ASH1L: variants seen among roughly 807,000 people sequenced by gnomAD.
The protein encoded by ASH1L is ASH1 like histone lysine methyltransferase.
A neutral mutation model predicts 269.0 loss-of-function variants in ASH1L; 23 were observed. The observed-to-expected ratio is 0.09, with a 90% confidence interval of 0.06 to 0.12. ASH1L has a LOEUF of 0.12. Ranked by LOEUF, ASH1L falls within the 10% of genes least tolerant of loss-of-function variation. The pLI is 1.00. For synonymous variants in ASH1L, 1,187 were observed against 1,253.5 expected (o/e 0.95, Z 1.12); for missense variants, 2,912 against 3,567.8 (o/e 0.82, Z 4.68).
intron 3 of ASH1L, among the ~76,000 whole-genome samples, chr1:155,465,289 CAAAAAAAAAAAAA>C (rs1171228344): frequency 6.4e-5 from 4 of 62,576 alleles, no homozygotes; most frequent in Non-Finnish European, 1.3e-4. Context: ...TACAAATTAG[CAAAAAAAAAAAAA>C]AAAAAAAAAA....
chr1:155,380,964 T>C (rs1183948748), intron 7 of ASH1L, among the ~76,000 whole-genome samples: 1 of 151,992 alleles, frequency 6.6e-6, no homozygotes. Flanking sequence ...CTTATACATA[T>C]AGTCATGTGC....
chr1:155,503,147 T>C (rs1667621378), intron 2 of ASH1L, among the ~76,000 whole-genome samples: 1 of 152,186 alleles, frequency 6.6e-6, no homozygotes, highest in Non-Finnish European at 1.5e-5. Flanking sequence ...AATGAAAAAG[T>C]GAGGCTGAGA....
chr1:155,349,709 CTT>C (rs993462774), intron 17 of ASH1L, 113 bp from the exon 18 acceptor site: 20,867 of 276,870 alleles, frequency 0.075, no homozygotes, highest in South Asian at 0.11. Flanking sequence ...AAATCCAAGT[CTT>C]TTTTTTTTTT....
At position 155,370,633 on chromosome 1, in the gene ASH1L, T is replaced by C. The variant is rs1364710940; in HGVS notation, c.6557A>G (p.Gln2186Arg). 1.2e-6 allele frequency: 2 copies of C among 1,614,080 alleles called. No individual in the cohort carries two copies. The highest frequency in any genetic ancestry group is 2.7e-5 in the African/African-American group (2 of 74,936). The change falls in exon 12 of 28, where the codon CAG becomes CGG. Residue 2186 changes from glutamine (Q) to arginine (R), a missense_variant. Coordinates refer to ENST00000392403, the MANE Select transcript of ASH1L (RefSeq NM_018489.3). ...GTAGTGGTCACTGTGATTATGATAC[T>C]GCTCAATCATCCTGTTCCTAAAGAG... ...EQEFRNRMIE[Q>R]YHNHSDHYCL...
At position 155,365,671 on chromosome 1, in the gene ASH1L, A is replaced by G. The variant is rs572947191; in HGVS notation, c.6686+4833T>C. ...TTTACCAAGGCTTTGATTGGAATGG[A>G]GTGCTTTCTATTAAGGAACCAAACT... On this transcript the variant is annotated intron_variant, in intron 12 of 27. Transcript: ENST00000392403. Among the ~76,000 whole-genome samples the G allele has an allele frequency of 2.5e-3, 377 of 152,284 alleles. 1 individual carries two copies. The highest frequency in any genetic ancestry group is 8.7e-3 in the African/African-American group (361 of 41,556).
At chr1:155,435,141 C>T (rs758034642) in intron 5 of ASH1L, among the ~76,000 whole-genome samples, 1 of 151,952 alleles carries the variant, frequency 6.6e-6, no homozygotes, top group African/African-American at 2.4e-5. Context: ...CTGGGTGACT[C>T]GGTCTCAAAA....
At chr1:155,441,842 C>T (rs370571878) in intron 4 of ASH1L, among the ~76,000 whole-genome samples, 8 of 150,082 alleles carry the variant, frequency 5.3e-5, no homozygotes, top group South Asian at 2.1e-4. Context: ...CTCAGCTCAC[C>T]GCAACCGCCA....
intron 20 of ASH1L, 54 bp downstream of exon 20, chr1:155,347,602 T>A: frequency 6.2e-7 from 1 of 1,602,616 alleles, no homozygotes; most frequent in South Asian, 1.1e-5. Flanking sequence ...CTTCTTTGAA[T>A]ATGGTCACCG....
Position 155,442,526 on chromosome 1 carries a change from T to C in ASH1L, c.5087-3458A>G, listed in dbSNP as rs1571227146. Among the ~76,000 whole-genome samples, 5 of 137,848 alleles carry C rather than the reference T, an allele frequency of 3.6e-5. No homozygotes were observed. The Admixed American group carries it at 4.4e-4, about 12-fold the overall frequency. The allele number at this position is 137,848 out of a possible 152,430, so 90.4% of individuals were successfully genotyped here. ...TGAACCTGGGAGGCAGAGGTTGCAG[T>C]GAGCCGAGATCACGCCACTGCCCTC... On this transcript the variant is annotated intron_variant, in intron 4 of 27. Coordinates refer to ENST00000392403, the MANE Select transcript of ASH1L (RefSeq NM_018489.3).
At chr1:155,485,749 C>A (rs938932832) in intron 2 of ASH1L, among the ~76,000 whole-genome samples, 7 of 152,134 alleles carry the variant, frequency 4.6e-5, no homozygotes, top group African/African-American at 1.7e-4. Flanking sequence ...ATCGACAACC[C>A]ATTAGCAATG....
intron 6 of ASH1L, among the ~76,000 whole-genome samples, chr1:155,408,031 G>A (rs748069798): frequency 2.0e-5 from 3 of 152,154 alleles, no homozygotes; most frequent in Admixed American, 6.5e-5. Context: ...AAAGGCTTAG[G>A]ATTGCTCTCA....
At chr1:155,549,951 C>A (rs887601315) in intron 1 of ASH1L, among the ~76,000 whole-genome samples, 3 of 152,104 alleles carry the variant, frequency 2.0e-5, no homozygotes, top group African/African-American at 7.2e-5. Flanking sequence ...CCACTACCTC[C>A]AAAATATACC....
chr1:155,536,325 A>ACTCAAAGG, intron 1 of ASH1L, among the ~76,000 whole-genome samples: 1 of 152,172 alleles, frequency 6.6e-6, no homozygotes, highest in Admixed American at 6.6e-5. Context: ...TAAAGACTTT[A>ACTCAAAGG]GCTTTTACTT....
chr1:155,473,046 C>T (rs1374335372), intron 3 of ASH1L, among the ~76,000 whole-genome samples: 2 of 152,128 alleles, frequency 1.3e-5, no homozygotes, highest in Non-Finnish European at 2.9e-5. Flanking sequence ...AGTTAAATAG[C>T]TCTTGTATCA....
rs1032440397 is a variant in ASH1L at position 155,450,514 on chromosome 1, G to A, written c.5086+9283C>T. On this transcript the variant is annotated intron_variant, in intron 4 of 27. Transcript: ENST00000392403. ...TTATTCCACTCTGTACTTCATTTTGGATAACTATTAAGTGTTTGGATTTTG... is the reference window on the plus strand; with the variant it reads ...TTATTCCACTCTGTACTTCATTTTGAATAACTATTAAGTGTTTGGATTTTG... Among the ~76,000 whole-genome samples, 5 of 151,974 alleles carry A rather than the reference G, an allele frequency of 3.3e-5. No homozygotes were observed. The East Asian group carries it at 9.6e-4, about 29-fold the overall frequency.
chr1:155,508,196 A>C (rs1667936854), intron 2 of ASH1L, among the ~76,000 whole-genome samples: 1 of 152,230 alleles, frequency 6.6e-6, no homozygotes, highest in African/African-American at 2.4e-5. Flanking sequence ...ACTGCTGTAG[A>C]AAAATGAATG....
intron 12 of ASH1L, among the ~76,000 whole-genome samples, chr1:155,365,903 C>A (rs1655379372): frequency 6.6e-6 from 1 of 152,126 alleles, no homozygotes; most frequent in Non-Finnish European, 1.5e-5. Context: ...CGCTATTCAA[C>A]CTGAAGAAAT....
At chr1:155,418,026 G>A (rs897262708) in intron 5 of ASH1L, among the ~76,000 whole-genome samples, 1 of 150,452 alleles carries the variant, frequency 6.6e-6, no homozygotes, top group Non-Finnish European at 1.5e-5. Context: ...TGATCCATAA[G>A]TAACTTAACT....
chr1:155,551,974 T>G (rs1468165085), intron 1 of ASH1L, among the ~76,000 whole-genome samples: 1 of 151,566 alleles, frequency 6.6e-6, no homozygotes, highest in African/African-American at 2.4e-5. Context: ...AGACTCCGTG[T>G]CAAAAAAGAA....
Sources: gnomAD v4.1 joint callset for allele counts (sites outside exome capture counted in the v4.1 genomes callset) on GRCh38, gnomAD v4.1.1 for gene constraint, MANE v1.5 for transcripts, NCBI Gene and HGNC (gene_info 2026-07-23, HGNC 2026-07-21) for gene names.